Variants in CENPP observed in about 807,000 individuals in gnomAD.
CENPP encodes the protein centromere protein P.
In CENPP, 24 loss-of-function variants were observed where a neutral mutation model predicts 35.6. The observed-to-expected ratio is 0.67, with a 90% CI of 0.49 to 0.95. CENPP has a LOEUF of 0.95. CENPP is among the 40% of genes least tolerant of loss of function. The pLI is 0.00. For synonymous variants in CENPP, 120 were observed against 125.5 expected (o/e 0.96, Z 0.29); for missense variants, 332 against 345.3 (o/e 0.96, Z 0.31).
chr9:92,354,403 G>T (rs577954561), intron 4 of CENPP, among the ~76,000 whole-genome samples: 1 of 152,316 alleles, frequency 6.6e-6, no homozygotes, highest in African/African-American at 2.4e-5. Flanking sequence ...TGAGCCATGC[G>T]TAACCTCCAT....
At chr9:92,498,552 T>G (rs1175545148) in intron 5 of CENPP, among the ~76,000 whole-genome samples, 1 of 151,886 alleles carries the variant, frequency 6.6e-6, no homozygotes, top group Non-Finnish European at 1.5e-5. Flanking sequence ...TTTAACACAG[T>G]CAAAAATAAT....
At chr9:92,349,645 G>A (rs181063959) in intron 4 of CENPP, among the ~76,000 whole-genome samples, 61 of 151,940 alleles carry the variant, frequency 4.0e-4, no homozygotes, top group Non-Finnish European at 6.5e-4. Flanking sequence ...CTAGTGATCC[G>A]CCCACCTCAG....
intron 5 of CENPP, chr9:92,417,679 T>C: frequency 1.5e-6 from 1 of 655,962 alleles, no homozygotes; most frequent in Non-Finnish European, 2.4e-6. Flanking sequence ...TATGTCTATA[T>C]ATAAAAGAAT....
intron 5 of CENPP, among the ~76,000 whole-genome samples, chr9:92,472,888 G>A (rs538661719): frequency 6.6e-6 from 1 of 152,250 alleles, no homozygotes; most frequent in African/African-American, 2.4e-5. Context: ...GATCCTCCTG[G>A]TAGCACAGAT....
In CENPP at chr9:92,596,163, T is replaced by G. The variant is rs188949869; in HGVS notation, c.565-15151T>G. On this transcript the variant is annotated intron_variant, in intron 5 of 7. Coordinates refer to ENST00000375587, the MANE Select transcript of CENPP (RefSeq NM_001012267.3). ...TGGTTGTTTGTTTTGAGACAGAGTC[T>G]TGCTCTGTTGCCCAGGCTGGAATGC... 4.6e-5 allele frequency among the ~76,000 whole-genome samples: 7 copies of G among 152,204 alleles called. No homozygotes were observed. The East Asian group carries it at 1.4e-3, about 29-fold the overall frequency.
At chr9:92,544,006 C>T (rs1262927879) in intron 5 of CENPP, among the ~76,000 whole-genome samples, 1 of 152,128 alleles carries the variant, frequency 6.6e-6, no homozygotes, top group Non-Finnish European at 1.5e-5. Flanking sequence ...TTATCCTTTC[C>T]ATTTTAGATA....
chr9:92,543,343 C>T (rs776258197), intron 5 of CENPP, among the ~76,000 whole-genome samples: 13 of 151,688 alleles, frequency 8.6e-5, no homozygotes, highest in East Asian at 1.9e-4. Flanking sequence ...CATGGTGGTA[C>T]GTACCTGTAG....
At chr9:92,442,848 CAA>C (rs776364640) in intron 5 of CENPP, among the ~76,000 whole-genome samples, 2 of 114,966 alleles carry the variant, frequency 1.7e-5, no homozygotes, top group Non-Finnish European at 3.7e-5. Flanking sequence ...GACTCCTTCT[CAA>C]AAAAAAAAAA....
intron 4 of CENPP, among the ~76,000 whole-genome samples, chr9:92,372,599 T>C (rs967568035): frequency 7.2e-5 from 11 of 152,252 alleles, no homozygotes; most frequent in African/African-American, 2.7e-4. Context: ...TAGGACTTCC[T>C]TGAGCATTTC....
intron 5 of CENPP, among the ~76,000 whole-genome samples, chr9:92,557,351 A>G (rs1849748768): frequency 6.6e-6 from 1 of 152,152 alleles, no homozygotes; most frequent in East Asian, 1.9e-4. Context: ...TGCTTCTTGT[A>G]TTTGGATGTC....
At chr9:92,559,375 G>A (rs916226437) in intron 5 of CENPP, among the ~76,000 whole-genome samples, 2 of 152,126 alleles carry the variant, frequency 1.3e-5, no homozygotes, top group Non-Finnish European at 2.9e-5. Context: ...AACTTCTCCC[G>A]CAAACAGACC....
chr9:92,332,168 A>G lies in CENPP; in HGVS notation c.108-2A>G. On this transcript the variant is annotated splice_acceptor_variant, in intron 1 of 7. Transcript: ENST00000375587. LOFTEE classifies it high-confidence loss of function. ...TGATTATTTTTGATATTTGCCTTTT[A>G]GAAAATCTTTTCAAGCCATACACCA... 6.4e-7 allele frequency: 1 copy of G among 1,574,670 alleles called. No individual in the cohort carries two copies. Among genetic ancestry groups the G allele is most frequent in the East Asian group, 2.3e-5 (1 of 44,020 alleles).
At chr9:92,349,172 A>T (rs912796617) in intron 4 of CENPP, among the ~76,000 whole-genome samples, 3 of 151,814 alleles carry the variant, frequency 2.0e-5, no homozygotes, top group African/African-American at 7.3e-5. Flanking sequence ...TTCAGTTTGG[A>T]TAATTTCTAT....
chr9:92,520,760 A>G (rs188902243), intron 5 of CENPP, among the ~76,000 whole-genome samples: 5 of 152,262 alleles, frequency 3.3e-5, no homozygotes, highest in Non-Finnish European at 7.3e-5. Flanking sequence ...TAGCCATACA[A>G]TGGAATATTA....
At chr9:92,510,240 C>A (rs1031342200) in intron 5 of CENPP, among the ~76,000 whole-genome samples, 1 of 152,318 alleles carries the variant, frequency 6.6e-6, no homozygotes, top group East Asian at 1.9e-4. Context: ...GGATTTTCAG[C>A]AGACTACATT....
intron 5 of CENPP, among the ~76,000 whole-genome samples, chr9:92,532,034 A>ATTTTTTTTTTTTTTTTTTTTT (rs58499748): frequency 5.1e-5 from 5 of 98,250 alleles, no homozygotes; most frequent in African/African-American, 9.8e-5. Context: ...TTTTTATTTT[A>ATTTTTTTTTTTTTTTTTTTTT]TTTTTTTTTT....
chr9:92,496,500 A>T, intron 5 of CENPP: 1 of 1,604,524 alleles, frequency 6.2e-7, no homozygotes, highest in Non-Finnish European at 8.5e-7. Flanking sequence ...AAAAATAGAC[A>T]TGCAAGTCAC....
At chr9:92,325,692 C>G (rs767310823), upstream of CENPP, 28 of 340,066 alleles carry the variant, frequency 8.2e-5, no homozygotes, top group East Asian at 1.6e-3. Flanking sequence ...TCCAAGGCTG[C>G]CGGCTAGGGT....
At chr9:92,375,441 C>A (rs1842102663) in intron 4 of CENPP, among the ~76,000 whole-genome samples, 1 of 151,964 alleles carries the variant, frequency 6.6e-6, no homozygotes, top group South Asian at 2.1e-4. Context: ...TACAGGCACA[C>A]ACCACCACGC....
Sources: allele counts gnomAD v4.1 joint callset (sites outside exome capture counted in the v4.1 genomes callset), GRCh38; gene constraint gnomAD v4.1.1; transcripts MANE v1.5; gene names NCBI Gene and HGNC (gene_info 2026-07-23, HGNC 2026-07-21).